APBA1: variants seen among roughly 807,000 people sequenced by gnomAD.
APBA1 encodes amyloid beta precursor protein binding family A member 1, also known as amyloid-beta A4 precursor protein-binding family A member 1.
Under a neutral mutation model 86.6 loss-of-function variants are expected in APBA1, and 55 were observed. That is an observed-to-expected ratio of 0.64 (90% CI 0.51 to 0.80). The LOEUF (loss-of-function observed/expected upper bound fraction) is 0.80. Ranked by LOEUF, APBA1 falls within the 30% of genes least tolerant of loss-of-function variation. The probability of loss-of-function intolerance (pLI) is 0.00; values close to 1 mark genes in which losing one functional copy is unlikely to be tolerated. For missense variants in APBA1, 1,090 were observed against 1,183.0 expected, an observed-to-expected ratio of 0.92 and a Z score of 1.15; for synonymous variants, 511 against 493.9, an observed-to-expected ratio of 1.03 and a Z score of -0.46.
intron 4 of APBA1, among the ~76,000 whole-genome samples, chr9:69,469,855 A>C (rs758361945): frequency 1.2e-4 from 18 of 152,258 alleles, no homozygotes; most frequent in Non-Finnish European, 2.1e-4. Flanking sequence ...TATGAAGAAG[A>C]ACGATCTCAT....
intron 1 of APBA1, among the ~76,000 whole-genome samples, chr9:69,655,244 T>C (rs1252809042): frequency 1.3e-5 from 2 of 152,146 alleles, no homozygotes; most frequent in Non-Finnish European, 2.9e-5. Flanking sequence ...GGCATCCACA[T>C]TGGGAAGGAA....
At chr9:69,564,848 TC>T (rs1377208325) in intron 1 of APBA1, among the ~76,000 whole-genome samples, 1 of 152,162 alleles carries the variant, frequency 6.6e-6, no homozygotes, top group Admixed American at 6.5e-5. Flanking sequence ...CAGCAGGGAC[TC>T]AAGCAGATAC....
intron 1 of APBA1, among the ~76,000 whole-genome samples, chr9:69,544,143 C>T (rs7025896): frequency 0.37 from 56,924 of 152,104 alleles, 12,036 homozygotes; most frequent in Non-Finnish European, 0.47. Context: ...AACTTTCCTT[C>T]CTCAATATCT....
In APBA1 at chr9:69,432,597, T is replaced by C. The variant is rs1348665119; in HGVS notation, c.2381A>G (p.Gln794Arg). Reference protein sequence around the residue: ...VGHRIIEINGQSVVATPHEKI... With the variant: ...VGHRIIEINGRSVVATPHEKI... ...CTCGTGGGGGGTGGCCACGACGCTC[T>C]GTCCATTGATTTCAATGATCCGGTG... The change falls in exon 12 of 13, where the codon CAG becomes CGG. Residue 794 changes from glutamine to arginine, a missense_variant. By Grantham distance (43) the Gln-to-Arg change is conservative (BLOSUM62 1). Coordinates refer to ENST00000265381, the MANE Select transcript of APBA1 (RefSeq NM_001163.4). The C allele has an allele frequency of 1.9e-6, 3 of 1,606,918 alleles. No individual in the cohort carries two copies. Among genetic ancestry groups the C allele is most frequent in the Non-Finnish European group, 2.5e-6 (3 of 1,176,950 alleles).
chr9:69,571,129 T>G (rs921960441), intron 1 of APBA1, among the ~76,000 whole-genome samples: 1 of 152,176 alleles, frequency 6.6e-6, no homozygotes, highest in Non-Finnish European at 1.5e-5. Flanking sequence ...TATCAACTGC[T>G]CACACTGTAC....
At chr9:69,613,799 T>C (rs1424548911) in intron 1 of APBA1, among the ~76,000 whole-genome samples, 1 of 152,172 alleles carries the variant, frequency 6.6e-6, no homozygotes, top group Non-Finnish European at 1.5e-5. Context: ...AGTTTTCTTG[T>C]TTACATTTCT....
intron 1 of APBA1, among the ~76,000 whole-genome samples, chr9:69,554,568 T>C (rs1836833157): frequency 6.6e-6 from 1 of 152,124 alleles, no homozygotes; most frequent in South Asian, 2.1e-4. Flanking sequence ...CTCTAGAAGT[T>C]TCCAGCGGCA....
intron 2 of APBA1, among the ~76,000 whole-genome samples, chr9:69,506,307 G>A (rs1276221219): frequency 2.0e-5 from 3 of 149,574 alleles, no homozygotes; most frequent in South Asian, 4.3e-4. Context: ...AAGGGGTGAC[G>A]GACACACCTG....
intron 1 of APBA1, among the ~76,000 whole-genome samples, chr9:69,649,160 T>C (rs972487034): frequency 1.3e-5 from 2 of 152,216 alleles, no homozygotes; most frequent in Non-Finnish European, 2.9e-5. Flanking sequence ...TGAAGCTCTA[T>C]AATAGCTTCT....
intron 1 of APBA1, among the ~76,000 whole-genome samples, chr9:69,551,865 G>A (rs1421297568): frequency 6.6e-6 from 1 of 152,176 alleles, no homozygotes; most frequent in African/African-American, 2.4e-5. Context: ...ACAGACAGTT[G>A]CAGGCTTTCT....
intron 2 of APBA1, among the ~76,000 whole-genome samples, chr9:69,491,136 C>T (rs1365914360): frequency 2.0e-5 from 3 of 152,082 alleles, no homozygotes; most frequent in African/African-American, 7.2e-5. Flanking sequence ...AATCATGCTG[C>T]TATAAAGACA....
chr9:69,520,447 C>A (rs1836233726), intron 1 of APBA1, among the ~76,000 whole-genome samples: 1 of 152,022 alleles, frequency 6.6e-6, no homozygotes, highest in Non-Finnish European at 1.5e-5. Flanking sequence ...TGAATGTGGA[C>A]AAAAATGTTT....
chr9:69,463,275 G>A (rs1430156693), intron 5 of APBA1: 1 of 107,780 alleles, frequency 9.3e-6, no homozygotes, highest in Non-Finnish European at 1.8e-5. Context: ...CAAGAACTGT[G>A]TATTGGTTAA....
chr9:69,587,750 C>T (rs4614062), intron 1 of APBA1, among the ~76,000 whole-genome samples: 23 of 152,138 alleles, frequency 1.5e-4, no homozygotes, highest in African/African-American at 4.1e-4. Flanking sequence ...ATTGGCCCGG[C>T]GTGGTGGCTC....
chr9:69,449,870 C>G (rs1308405227), intron 9 of APBA1, 74 bp from the exon 10 acceptor site: 4 of 1,352,222 alleles, frequency 3.0e-6, no homozygotes, highest in Non-Finnish European at 4.1e-6. Context: ...AGCCTCTCCC[C>G]CATTCCTGTC....
In APBA1 at chr9:69,431,328, C is replaced by A; in HGVS notation, c.2513G>T (p.Ter838LeuextTer73). The A allele has an allele frequency of 6.2e-7, 1 of 1,603,332 alleles. No individual in the cohort carries two copies. Among genetic ancestry groups the A allele is most frequent in the South Asian group, 1.1e-5 (1 of 89,412 alleles). ...GCATGCCACCGCGTGTGGCCGCGGT[C>A]AGATGTAAACAGGCTGCTCCTGGGC... ...LTAQEQPVYI[*>L] Residue 838 changes from the stop codon to leucine, a stop_lost, in exon 13 of 13, where the codon TGA becomes TTA. Transcript: ENST00000265381.
intron 3 of APBA1, 151 bp downstream of exon 3, chr9:69,475,897 T>C: frequency 1.5e-6 from 1 of 659,752 alleles, no homozygotes; most frequent in Non-Finnish European, 2.7e-6. Context: ...CTTTAACAGG[T>C]GAACTGCACA....
intron 1 of APBA1, among the ~76,000 whole-genome samples, chr9:69,522,980 C>T (rs888383324): frequency 6.6e-6 from 1 of 152,172 alleles, no homozygotes; most frequent in Non-Finnish European, 1.5e-5. Context: ...ATCCTGGCTA[C>T]AGGATGAGGG....
chr9:69,642,044 C>G (rs1474870647), intron 1 of APBA1, among the ~76,000 whole-genome samples: 1 of 152,154 alleles, frequency 6.6e-6, no homozygotes, highest in Non-Finnish European at 1.5e-5. Flanking sequence ...TGGGGTTTCA[C>G]CATGTTGCCC....
Sources: allele counts gnomAD v4.1 joint callset (sites outside exome capture counted in the v4.1 genomes callset), GRCh38; gene constraint gnomAD v4.1.1; transcripts MANE v1.5; gene names NCBI Gene and HGNC (gene_info 2026-07-23, HGNC 2026-07-21).